Variants in NCOA1 observed in about 807,000 individuals in gnomAD.
The protein encoded by NCOA1 is Hin-2 protein.
NCOA1 carries 35 observed loss-of-function variants against 150.9 expected under a neutral mutation model. The ratio of observed to expected loss-of-function variants is 0.23; its 90% confidence interval spans 0.18 to 0.31. The LOEUF (loss-of-function observed/expected upper bound fraction) is 0.31. NCOA1 is among the 10% of genes least tolerant of loss of function. NCOA1 has a pLI of 1.00. For missense variants in NCOA1, 1,491 were observed against 1,749.3 expected, an observed-to-expected ratio of 0.85 and a Z score of 2.63; for synonymous variants, 590 against 630.0, an observed-to-expected ratio of 0.94 and a Z score of 0.95.
chr2:24,492,458 T>G (rs1663016120), intron 1 of NCOA1, among the ~76,000 whole-genome samples: 1 of 152,088 alleles, frequency 6.6e-6, no homozygotes, highest in Admixed American at 6.5e-5. Flanking sequence ...GTTACCCCCA[T>G]GGGTAGACAC....
chr2:24,527,783 A>G (rs1424580767), intron 1 of NCOA1, among the ~76,000 whole-genome samples: 1 of 152,194 alleles, frequency 6.6e-6, no homozygotes, highest in African/African-American at 2.4e-5. Context: ...ATTTCCTACC[A>G]ACAATGTACA....
intron 3 of NCOA1, among the ~76,000 whole-genome samples, chr2:24,595,789 G>A (rs906089628): frequency 1.3e-5 from 2 of 152,056 alleles, no homozygotes; most frequent in Non-Finnish European, 2.9e-5. Context: ...TAGGCAAGCA[G>A]GTATTAGTAT....
At chr2:24,596,904 C>T (rs1474471960) in intron 3 of NCOA1, among the ~76,000 whole-genome samples, 2 of 152,116 alleles carry the variant, frequency 1.3e-5, no homozygotes, top group Non-Finnish European at 2.9e-5. Flanking sequence ...ATCCATTTGG[C>T]TTTTCAAACT....
intron 11 of NCOA1, among the ~76,000 whole-genome samples, chr2:24,700,283 TAA>T (rs1405642901): frequency 6.6e-6 from 1 of 152,030 alleles, no homozygotes; most frequent in Non-Finnish European, 1.5e-5. Flanking sequence ...AGGGACAGTA[TAA>T]AAAGAGTGAA....
At chr2:24,543,526 G>A (rs899966171) in intron 1 of NCOA1, among the ~76,000 whole-genome samples, 3 of 152,036 alleles carry the variant, frequency 2.0e-5, no homozygotes, top group Non-Finnish European at 2.9e-5. Flanking sequence ...TTCTAGTCTA[G>A]CAAGGGATAC....
In NCOA1 at chr2:24,560,708, A is replaced by G. The variant is rs1572420085; in HGVS notation, c.-395-3587A>G. ...TTGTAGAATGTGTTTTACTTTTTGC[A>G]GGCCCATTGAAACCCTCAGTGAGAT... is the stretch of plus-strand genomic sequence containing the variant. On this transcript the variant is annotated intron_variant, in intron 1 of 22. Coordinates refer to ENST00000348332, the MANE Select transcript of NCOA1 (RefSeq NM_003743.5). Among the ~76,000 whole-genome samples the G allele has an allele frequency of 2.0e-5, 3 of 152,278 alleles. No homozygotes were observed. The South Asian group carries it at 6.2e-4, about 32-fold the overall frequency.
At chr2:24,739,647 T>C (rs945137553) in intron 18 of NCOA1, 114 bp downstream of exon 18, 1 of 677,266 alleles carries the variant, frequency 1.5e-6, no homozygotes, top group African/African-American at 1.8e-5. Context: ...TAATGATGTT[T>C]GTAGTGTAGT....
At chr2:24,582,197 T>C (rs1256185991) in intron 2 of NCOA1, among the ~76,000 whole-genome samples, 2 of 152,198 alleles carry the variant, frequency 1.3e-5, no homozygotes, top group Non-Finnish European at 2.9e-5. Flanking sequence ...TGATCTTATA[T>C]ATAGAAAAAC....
chr2:24,521,177 A>G (rs72803287), intron 1 of NCOA1, among the ~76,000 whole-genome samples: 7,908 of 152,204 alleles, frequency 0.052, 290 homozygotes, highest in East Asian at 0.2. Context: ...ACAACATGGT[A>G]TTTTGATATA....
At chr2:24,640,510 C>T (rs1004634165) in intron 3 of NCOA1, among the ~76,000 whole-genome samples, 2 of 151,996 alleles carry the variant, frequency 1.3e-5, no homozygotes, top group Non-Finnish European at 2.9e-5. Flanking sequence ...TTATTATTTG[C>T]ATAACTTATG....
At chr2:24,589,670 A>AGT (rs1667569918) in intron 3 of NCOA1, among the ~76,000 whole-genome samples, 2 of 123,796 alleles carry the variant, frequency 1.6e-5, no homozygotes, top group Non-Finnish European at 1.8e-5. Flanking sequence ...TGTGTATGAA[A>AGT]GTGTGTGTGT....
intron 8 of NCOA1, among the ~76,000 whole-genome samples, chr2:24,686,528 C>T (rs1672413218): frequency 6.6e-6 from 1 of 152,196 alleles, no homozygotes; most frequent in African/African-American, 2.4e-5. Flanking sequence ...TCCTCCCACA[C>T]ACAAAATACT....
intron 3 of NCOA1, among the ~76,000 whole-genome samples, chr2:24,614,185 G>A (rs1180629720): frequency 1.8e-5 from 1 of 54,512 alleles, no homozygotes; most frequent in Admixed American, 2.5e-4. Flanking sequence ...CTATTGTATC[G>A]ATTCATTTCC....
In NCOA1 at chr2:24,663,076, C is replaced by T. The variant is rs118128317; in HGVS notation, c.90-2673C>T. Among the ~76,000 whole-genome samples the T allele has an allele frequency of 5.5e-3, 837 of 151,788 alleles. 11 individuals carry two copies. The highest frequency in any genetic ancestry group is 0.024 in the Admixed American group (370 of 15,186). ...TCCCAAAGTTCTGGGATTACAGATG[C>T]GAGCTGCTGTATCCAGCTGAACCTG... On this transcript the variant is annotated intron_variant, in intron 5 of 22. Transcript: ENST00000348332.
intron 3 of NCOA1, among the ~76,000 whole-genome samples, chr2:24,636,871 T>A (rs1270350683): frequency 1.3e-5 from 2 of 152,068 alleles, no homozygotes; most frequent in Non-Finnish European, 2.9e-5. Context: ...GAGTTTTTTT[T>A]AAGATTCTGT....
intron 4 of NCOA1, among the ~76,000 whole-genome samples, chr2:24,655,652 A>G (rs2148485741): frequency 6.6e-6 from 1 of 152,304 alleles, no homozygotes; most frequent in African/African-American, 2.4e-5. Context: ...TCTGCAGAGG[A>G]TAAACTTAAG....
intron 8 of NCOA1, among the ~76,000 whole-genome samples, chr2:24,684,870 A>G (rs990834750): frequency 1.3e-5 from 2 of 152,318 alleles, no homozygotes; most frequent in East Asian, 1.9e-4. Context: ...AGAAAAGCCA[A>G]TAGCTTCTTT....
chr2:24,578,330 C>T (rs780884988), intron 2 of NCOA1, among the ~76,000 whole-genome samples: 19 of 151,922 alleles, frequency 1.3e-4, no homozygotes, highest in Non-Finnish European at 2.4e-4. Context: ...TGGAAAAACT[C>T]GTGAAACTGT....
intron 6 of NCOA1, among the ~76,000 whole-genome samples, 155 bp downstream of exon 6, chr2:24,666,070 G>A (rs1351538320): frequency 6.6e-6 from 1 of 151,610 alleles, no homozygotes; most frequent in Non-Finnish European, 1.5e-5. Flanking sequence ...GGAGTGCAGT[G>A]GTGCGATCTC....
Sources: allele counts gnomAD v4.1 joint callset (sites outside exome capture counted in the v4.1 genomes callset), GRCh38; gene constraint gnomAD v4.1.1; transcripts MANE v1.5; gene names NCBI Gene and HGNC (gene_info 2026-07-23, HGNC 2026-07-21).